Variants in RAD51B observed in about 807,000 individuals in gnomAD.
The protein encoded by RAD51B is RAD51 paralog B, also known as DNA repair protein RAD51 homolog 2.
Under a neutral mutation model 42.2 loss-of-function variants are expected in RAD51B, and 38 were observed. The observed-to-expected ratio is 0.90, with a 90% CI of 0.70 to 1.18. RAD51B has a LOEUF of 1.18. RAD51B is among the 50% of genes most tolerant of loss of function. RAD51B has a pLI of 0.00. For synonymous variants in RAD51B, 154 were observed against 145.2 expected (o/e 1.06, Z -0.43); for missense variants, 373 against 400.7 (o/e 0.93, Z 0.59).
chr14:68,050,411 T>A (rs1298197124), intron 7 of RAD51B, among the ~76,000 whole-genome samples: 1 of 152,220 alleles, frequency 6.6e-6, no homozygotes, highest in Non-Finnish European at 1.5e-5. Flanking sequence ...ATAGGATGTA[T>A]CATTTTTTAG....
rs535540087 is a variant in RAD51B at position 68,561,772 on chromosome 14, A to G, written c.1037-32713A>G. Among the ~76,000 whole-genome samples, 476 of 152,328 alleles carry G rather than the reference A, an allele frequency of 3.1e-3. 3 individuals are homozygous for G. Among genetic ancestry groups the G allele is most frequent in the African/African-American group, 0.01 (428 of 41,570 alleles). ...ATCATTCTGAGACGGGAGCTCCTTCAGCTTTGTCCTCAAAGGCACTGCAGC... is the reference window on the plus strand; with the variant it reads ...ATCATTCTGAGACGGGAGCTCCTTCGGCTTTGTCCTCAAAGGCACTGCAGC... On this transcript the variant is annotated intron_variant, in intron 10 of 10. Coordinates refer to the RAD51B transcript ENST00000487270.
intron 4 of RAD51B, among the ~76,000 whole-genome samples, chr14:67,861,955 A>G (rs187878839): frequency 1.2e-3 from 178 of 151,738 alleles, no homozygotes; most frequent in African/African-American, 4.1e-3. Context: ...CAAAAATGTT[A>G]CAAATAGAGT....
chr14:67,842,915 T>C (rs2041478664), intron 4 of RAD51B, among the ~76,000 whole-genome samples: 1 of 152,222 alleles, frequency 6.6e-6, no homozygotes, highest in African/African-American at 2.4e-5. Context: ...TTTTTCTGTG[T>C]CTATGGAGAT....
chr14:68,588,583 C>T (rs1385330964), intron 10 of RAD51B, among the ~76,000 whole-genome samples: 2 of 152,108 alleles, frequency 1.3e-5, no homozygotes, highest in Non-Finnish European at 2.9e-5. Flanking sequence ...TGCGGTCTGG[C>T]AGGGTCAGTT....
intron 7 of RAD51B, among the ~76,000 whole-genome samples, chr14:68,113,483 A>C (rs2077491264): frequency 1.3e-5 from 2 of 152,150 alleles, no homozygotes; most frequent in South Asian, 4.1e-4. Flanking sequence ...GGTGCAAATA[A>C]GGAAAGGTTC....
chr14:68,173,827 T>G (rs2078916835), intron 7 of RAD51B, among the ~76,000 whole-genome samples: 2 of 152,212 alleles, frequency 1.3e-5, no homozygotes, highest in Non-Finnish European at 2.9e-5. Flanking sequence ...AGTAAAAGTC[T>G]TAAGATCAGT....
rs571278640 is a variant in RAD51B at position 68,066,194 on chromosome 14, C to G, written c.756+178990C>G. Among the ~76,000 whole-genome samples the G allele has an allele frequency of 1.4e-4, 22 of 151,840 alleles. No individual in the cohort carries two copies. In the Middle Eastern group the frequency reaches 0.014, roughly 100 times the overall value. ...TTTTAATGATGTTGGAAAACACTTACGTTGTAATAGTAATTAAATAAGGCA... is the reference window on the plus strand; with the variant it reads ...TTTTAATGATGTTGGAAAACACTTAGGTTGTAATAGTAATTAAATAAGGCA... On this transcript the variant is annotated intron_variant, in intron 7 of 10. Transcript: ENST00000471583.
At chr14:68,283,138 T>C (rs765005945) in intron 7 of RAD51B, among the ~76,000 whole-genome samples, 1 of 152,192 alleles carries the variant, frequency 6.6e-6, no homozygotes, top group Non-Finnish European at 1.5e-5. Flanking sequence ...TGTGTCTTTC[T>C]AATCCTCCTT....
rs369093547 is a variant in RAD51B at position 68,506,597 on chromosome 14, T to C, written c.1036+38347T>C. On this transcript the variant is annotated intron_variant, in intron 10 of 10. Transcript: ENST00000487270. ...TAAACATCCTTGGCTCCCCAGCTCC[T>C]GTGTGCTGGATCGTGCTGAGTGGGC... 4.2e-4 allele frequency among the ~76,000 whole-genome samples: 64 copies of C among 152,332 alleles called. 1 individual carries two copies. Among genetic ancestry groups the C allele is most frequent in the African/African-American group, 1.3e-3 (52 of 41,578 alleles).
chr14:68,475,180 T>G (rs768701656), intron 10 of RAD51B, among the ~76,000 whole-genome samples: 1 of 152,186 alleles, frequency 6.6e-6, no homozygotes, highest in Non-Finnish European at 1.5e-5. Flanking sequence ...TCTGTAAATA[T>G]ATGATCAGAA....
At chr14:67,977,071 A>C (rs2075010048) in intron 7 of RAD51B, among the ~76,000 whole-genome samples, 1 of 152,168 alleles carries the variant, frequency 6.6e-6, no homozygotes, top group South Asian at 2.1e-4. Flanking sequence ...AATCAACTCT[A>C]GTTTTTAATC....
At chr14:68,573,594 GTGT>G (rs1425254402) in intron 10 of RAD51B, among the ~76,000 whole-genome samples, 15 of 152,320 alleles carry the variant, frequency 9.8e-5, no homozygotes, top group African/African-American at 3.1e-4. Flanking sequence ...AGAGCTACCT[GTGT>G]TGTTTATTAT....
At chr14:68,285,877 A>G (rs1055052403) in intron 7 of RAD51B, among the ~76,000 whole-genome samples, 1 of 152,094 alleles carries the variant, frequency 6.6e-6, no homozygotes, top group Non-Finnish European at 1.5e-5. Flanking sequence ...GCCACTGAAA[A>G]CCACCAAAAA....
Position 67,886,114 on chromosome 14 carries a change from G to A in RAD51B, c.572+126G>A, listed in dbSNP as rs2043053075. The A allele has an allele frequency of 8.4e-6, 6 of 718,008 alleles. No homozygotes were observed. The South Asian group carries it at 2.2e-4, about 27-fold the overall frequency. The allele number at this position is 718,008 out of a possible 1,614,324, so 44.5% of individuals were successfully genotyped here. On this transcript the variant is annotated intron_variant, in intron 6 of 10. Coordinates refer to ENST00000471583, the MANE Select transcript of RAD51B (RefSeq NM_133510.4). ...AATTATGTGGAGTAACTTTTTCAGT[G>A]TTCTTCTTTGTTATAGCCTTTTGGT...
At chr14:68,176,146 A>G (rs1295785718) in intron 7 of RAD51B, among the ~76,000 whole-genome samples, 1 of 152,148 alleles carries the variant, frequency 6.6e-6, no homozygotes, top group Admixed American at 6.6e-5. Flanking sequence ...CAATCTAGCT[A>G]ATCCTTAAAT....
chr14:68,168,986 G>A (rs921488097), intron 7 of RAD51B, among the ~76,000 whole-genome samples: 1 of 152,134 alleles, frequency 6.6e-6, no homozygotes, highest in Non-Finnish European at 1.5e-5. Flanking sequence ...TAGGACATAA[G>A]CATACACCTC....
rs533772215 is a variant in RAD51B, at chr14:68,506,189, C to G, written c.1036+37939C>G. 7.2e-5 allele frequency among the ~76,000 whole-genome samples: 11 copies of G among 152,308 alleles called. No homozygotes were observed. In the South Asian group the frequency reaches 1.9e-3, roughly 26 times the overall value. On this transcript the variant is annotated intron_variant, in intron 10 of 10. Coordinates refer to the RAD51B transcript ENST00000487270. Reference sequence around the variant, plus strand: ...CCTTGAGACAGAACTTCCAGAAATTCTTTAGCTGAGCCTCCGTCCTCCCAG... The same window carrying G: ...CCTTGAGACAGAACTTCCAGAAATTGTTTAGCTGAGCCTCCGTCCTCCCAG...
At chr14:67,894,333 C>T (rs998676401) in intron 7 of RAD51B, among the ~76,000 whole-genome samples, 1 of 152,154 alleles carries the variant, frequency 6.6e-6, no homozygotes, top group African/African-American at 2.4e-5. Flanking sequence ...ATTGTATCCC[C>T]CTCTGTCTGT....
At chr14:68,586,375 A>G (rs1890479196) in intron 10 of RAD51B, among the ~76,000 whole-genome samples, 1 of 152,142 alleles carries the variant, frequency 6.6e-6, no homozygotes, top group Non-Finnish European at 1.5e-5. Context: ...CAAGGCGAAC[A>G]TTTGCGGTGC....
Sources: gnomAD v4.1 joint callset for allele counts (sites outside exome capture counted in the v4.1 genomes callset) on GRCh38, gnomAD v4.1.1 for gene constraint, MANE v1.5 for transcripts, NCBI Gene and HGNC (gene_info 2026-07-23, HGNC 2026-07-21) for gene names.